The following CFAP54 variants were observed in gnomAD, a reference collection of about 807,000 sequenced individuals.
CFAP54 encodes cilia- and flagella-associated protein 54.
A neutral mutation model predicts 370.4 loss-of-function variants in CFAP54; 290 were observed. The ratio of observed to expected loss-of-function variants is 0.78; its 90% confidence interval spans 0.71 to 0.86. The LOEUF (loss-of-function observed/expected upper bound fraction) is 0.86, where lower values mean the gene tolerates loss of function less well. Ranked by LOEUF, CFAP54 falls within the 40% of genes least tolerant of loss-of-function variation. The probability of loss-of-function intolerance (pLI) is 0.00; values close to 1 mark genes in which losing one functional copy is unlikely to be tolerated. For missense variants in CFAP54, 3,399 were observed against 3,528.7 expected (o/e 0.96, Z 0.93); for synonymous variants, 1,206 against 1,236.5 (o/e 0.98, Z 0.52).
chr12:96,531,489 A>T (rs1270594719), intron 9 of CFAP54, among the ~76,000 whole-genome samples: 1 of 118,518 alleles, frequency 8.4e-6, no homozygotes, highest in Admixed American at 9.7e-5. Flanking sequence ...TCATTATTTA[A>T]AAAAAAAATC....
chr12:96,708,563 A>C (rs751311282), intron 47 of CFAP54, 45 bp from the exon 48 acceptor site: 4 of 1,497,326 alleles, frequency 2.7e-6, no homozygotes, highest in Non-Finnish European at 3.6e-6. Flanking sequence ...ATATCTGAAA[A>C]AGTATTTTTC....
chr12:96,586,652 G>GA (rs776427507), intron 22 of CFAP54, among the ~76,000 whole-genome samples: 1 of 152,136 alleles, frequency 6.6e-6, no homozygotes, highest in Non-Finnish European at 1.5e-5. Context: ...GGAGCAGAGG[G>GA]ACCCATGGAG....
At chr12:96,757,627 C>A in intron 58 of CFAP54, 39 bp downstream of exon 58, 2 of 1,247,528 alleles carry the variant, frequency 1.6e-6, no homozygotes, top group Non-Finnish European at 1.1e-6. Flanking sequence ...AGTTAATTGC[C>A]TTTGAGCTTG....
intron 42 of CFAP54, 133 bp from the exon 43 acceptor site, chr12:96,688,783 A>G (rs550391455): frequency 9.9e-5 from 48 of 483,450 alleles, no homozygotes; most frequent in Admixed American, 1.6e-4. Context: ...TTTTCCTTCT[A>G]TTTTCTTATA....
intron 60 of CFAP54, among the ~76,000 whole-genome samples, chr12:96,769,734 A>G (rs940863568): frequency 6.6e-6 from 1 of 152,222 alleles, no homozygotes; most frequent in Non-Finnish European, 1.5e-5. Flanking sequence ...CTGTGATAAC[A>G]AATAGAGTTA....
chr12:96,658,268 G>T lies in CFAP54; in HGVS notation c.5382G>T (p.Leu1794=). ...TGGTGTATGCACAGCGCCAGCTTCT[G>T]CTGAGAATACAGAAGTTCAAGGGCC... ...PLLVYAQRQL[L]LRIQKFKGPD... Residue 1794 remains leucine, a synonymous_variant, in exon 38 of 68, where the codon CTG becomes CTT. Transcript: ENST00000524981. The T allele has an allele frequency of 6.2e-7, 1 of 1,614,136 alleles. No homozygotes were observed. The highest frequency in any genetic ancestry group is 1.1e-5 in the South Asian group (1 of 91,078).
intron 44 of CFAP54, 141 bp from the exon 45 acceptor site, chr12:96,693,581 T>C (rs1957411082): frequency 1.9e-6 from 1 of 536,994 alleles, no homozygotes; most frequent in Non-Finnish European, 3.2e-6. Flanking sequence ...ATTTCACTTA[T>C]TTTCAACAGT....
At chr12:96,641,250 A>G (rs1956724491) in intron 32 of CFAP54, among the ~76,000 whole-genome samples, 1 of 152,222 alleles carries the variant, frequency 6.6e-6, no homozygotes, top group Non-Finnish European at 1.5e-5. Flanking sequence ...AAACAACACC[A>G]TCAACAAGTG....
At chr12:96,823,231 G>A (rs972009455) in intron 65 of CFAP54, among the ~76,000 whole-genome samples, 1 of 152,116 alleles carries the variant, frequency 6.6e-6, no homozygotes, top group African/African-American at 2.4e-5. Context: ...CTTCTAGACT[G>A]AAATTAAGGC....
chr12:96,660,758 T>G (rs866919412), intron 38 of CFAP54, among the ~76,000 whole-genome samples: 1 of 152,082 alleles, frequency 6.6e-6, no homozygotes, highest in Non-Finnish European at 1.5e-5. Context: ...ACCCCAGAGG[T>G]TGGGGGCTCT....
chr12:96,581,065 C>G lies in CFAP54; in HGVS notation c.3035C>G (p.Pro1012Arg). The part of the protein sequence containing the change: ...GETTKPILVY[P>R]PLSTITARMF... ...ACAACTAAACCAATTCTGGTTTATC[C>G]CCCTCTTTCTACTATTACTGCTCGG... The change falls in exon 22 of 68, where the codon CCC becomes CGC. Residue 1012 changes from proline to arginine, a missense_variant. Pro to Arg is a moderately radical substitution (Grantham distance 103). Coordinates refer to ENST00000524981, the MANE Select transcript of CFAP54 (RefSeq NM_001306084.2). The G allele has an allele frequency of 6.6e-7, 1 of 1,523,448 alleles. No homozygotes were observed. Among genetic ancestry groups the G allele is most frequent in the African/African-American group, 1.4e-5 (1 of 72,246 alleles). 94.4% of individuals were successfully genotyped at this position (1,523,448 alleles called of 1,614,324 possible).
At chr12:96,714,925 T>G (rs1480485226) in intron 48 of CFAP54, among the ~76,000 whole-genome samples, 1 of 152,162 alleles carries the variant, frequency 6.6e-6, no homozygotes, top group Non-Finnish European at 1.5e-5. Flanking sequence ...GGAATGGAAC[T>G]AGTACTCAAA....
intron 22 of CFAP54, among the ~76,000 whole-genome samples, chr12:96,585,312 C>T (rs1029032033): frequency 5.3e-5 from 8 of 152,120 alleles, no homozygotes; most frequent in Admixed American, 1.3e-4. Context: ...AGGCGTGTGC[C>T]ACCATACCTG....
chr12:96,852,666 G>T (rs925811060), intron 66 of CFAP54, among the ~76,000 whole-genome samples: 1 of 152,058 alleles, frequency 6.6e-6, no homozygotes, highest in Non-Finnish European at 1.5e-5. Context: ...AAGACTGATG[G>T]ATTGGACTAT....
intron 19 of CFAP54, among the ~76,000 whole-genome samples, chr12:96,570,218 C>T (rs372957720): frequency 2.0e-5 from 3 of 152,220 alleles, no homozygotes; most frequent in Admixed American, 6.5e-5. Context: ...AAGGGGTCCG[C>T]TTTCCTCAGT....
At chr12:96,684,765 G>A (rs1052561778) in intron 41 of CFAP54, 30 bp downstream of exon 41, 5 of 1,529,640 alleles carry the variant, frequency 3.3e-6, no homozygotes, top group South Asian at 1.2e-5. Context: ...TAGAACAAGG[G>A]CAAAGGTTTT....
Position 96,743,383 on chromosome 12 carries a change from C to A in CFAP54, c.7220-19C>A, listed in dbSNP as rs769790483. On this transcript the variant is annotated intron_variant, in intron 52 of 67. Transcript: ENST00000524981. ...GACTTTCTCAATGCATTTTAAATAA[C>A]CGCATTTGTTTATTTTAGAGGATGA... 3 of 1,608,488 alleles carry A rather than the reference C, an allele frequency of 1.9e-6. No individual in the cohort carries two copies. The highest frequency in any genetic ancestry group is 2.2e-5 in the South Asian group (2 of 89,892).
chr12:96,562,428 C>CTT (rs200487420), intron 17 of CFAP54, among the ~76,000 whole-genome samples: 11,492 of 115,024 alleles, frequency 0.1, 920 homozygotes, highest in East Asian at 0.45. Flanking sequence ...TATTTGCATT[C>CTT]TTTTTTTTTT....
chr12:96,589,745 T>C (rs1178378915), intron 23 of CFAP54, among the ~76,000 whole-genome samples, 182 bp downstream of exon 23: 1 of 152,086 alleles, frequency 6.6e-6, no homozygotes, highest in African/African-American at 2.4e-5. Flanking sequence ...AAACTTTCTT[T>C]CTTTCTTTCT....
Sources: allele counts gnomAD v4.1 joint callset (sites outside exome capture counted in the v4.1 genomes callset), GRCh38; gene constraint gnomAD v4.1.1; transcripts MANE v1.5; gene names NCBI Gene and HGNC (gene_info 2026-07-23, HGNC 2026-07-21).